The following WDR88 variants were observed in gnomAD, a reference collection of about 807,000 sequenced individuals.
WDR88 encodes WD repeat domain 88.
In WDR88, 40 loss-of-function variants were observed where a neutral mutation model predicts 46.8. That is an observed-to-expected ratio of 0.86 (90% CI 0.66 to 1.11). The LOEUF is 1.11. WDR88 is among the 50% of genes most tolerant of loss of function. WDR88 has a pLI of 0.00. For synonymous variants in WDR88, 235 were observed against 240.7 expected (o/e 0.98, Z 0.22); for missense variants, 562 against 602.4 (o/e 0.93, Z 0.70).
chr19:33,158,437 AAAAG>A (rs1305371719), intron 7 of WDR88, among the ~76,000 whole-genome samples: 2 of 152,112 alleles, frequency 1.3e-5, no homozygotes, highest in African/African-American at 4.8e-5. Context: ...AAAAAAGAAA[AAAAG>A]AAAGAAAAAA....
chr19:33,156,965 G>A (rs1380550184), intron 7 of WDR88, among the ~76,000 whole-genome samples: 3 of 152,140 alleles, frequency 2.0e-5, no homozygotes, highest in Non-Finnish European at 4.4e-5. Flanking sequence ...GGAGGCCAAG[G>A]TGGGAGGACT....
At chr19:33,156,071 A>T (rs1973728570) in intron 6 of WDR88, among the ~76,000 whole-genome samples, 1 of 152,170 alleles carries the variant, frequency 6.6e-6, no homozygotes, top group Non-Finnish European at 1.5e-5. Context: ...CTCTATTATT[A>T]TTTTTCTAAA....
intron 5 of WDR88, 143 bp downstream of exon 5, chr19:33,149,053 G>T: frequency 7.4e-7 from 1 of 1,350,478 alleles, no homozygotes; most frequent in Non-Finnish European, 1.0e-6. Context: ...ACTAGGCTAG[G>T]TGCGGTGGCT....
chr19:33,163,319 C>T (rs984256041), intron 8 of WDR88, among the ~76,000 whole-genome samples: 4 of 146,150 alleles, frequency 2.7e-5, no homozygotes, highest in African/African-American at 7.8e-5. Context: ...GGTGACAGAG[C>T]GAGACTCCGT....
intron 6 of WDR88, among the ~76,000 whole-genome samples, chr19:33,155,581 T>G (rs910156164): frequency 6.6e-6 from 1 of 150,930 alleles, no homozygotes; most frequent in African/African-American, 2.4e-5. Context: ...AAGAGAGGGG[T>G]GGAACAGGGG....
intron 2 of WDR88, among the ~76,000 whole-genome samples, chr19:33,143,017 A>G (rs1973432630): frequency 6.6e-6 from 1 of 151,668 alleles, no homozygotes; most frequent in Non-Finnish European, 1.5e-5. Context: ...GTCACCCCAG[A>G]GGATTAAGAA....
chr19:33,153,798 G>C (rs1973682454), intron 6 of WDR88, among the ~76,000 whole-genome samples: 1 of 152,060 alleles, frequency 6.6e-6, no homozygotes. Context: ...TGGCCACACT[G>C]TGGTTTTCAT....
chr19:33,151,040 G>A (rs1376671401), intron 5 of WDR88, 141 bp from the exon 6 acceptor site: 1 of 989,282 alleles, frequency 1.0e-6, no homozygotes, highest in East Asian at 2.7e-5. Context: ...AGTCACTCAG[G>A]AATGTTTGTG....
chr19:33,160,546 C>T (rs774669745), intron 8 of WDR88, 50 bp downstream of exon 8: 1 of 1,592,162 alleles, frequency 6.3e-7, no homozygotes, highest in Non-Finnish European at 8.6e-7. Context: ...CTCCCGAGTC[C>T]TTCCTGTGCT....
intron 8 of WDR88, 108 bp from the exon 9 acceptor site, chr19:33,164,089 C>A: frequency 9.8e-7 from 1 of 1,024,544 alleles, no homozygotes; most frequent in Non-Finnish European, 1.5e-6. Context: ...CCCGACTCGG[C>A]TTCCCAAAAG....
chr19:33,137,708 A>G lies in WDR88; in HGVS notation c.308A>G (p.His103Arg). The change falls in exon 2 of 11, where the codon CAC (histidine) becomes CGC (arginine). Residue 103 changes from histidine to arginine, a missense_variant. Physicochemically the swap from His to Arg is conservative, Grantham distance 29 (BLOSUM62 0). Coordinates refer to ENST00000355868, the MANE Select transcript of WDR88 (RefSeq NM_173479.4). ...IPFKILSGHE[H>R]AVSTCHFCVD... ...TTTAAAATTCTGAGTGGGCACGAGC[A>G]CGCTGTGAGCACCTGCCACTTCTGT... 1 of 1,614,034 alleles carries G rather than the reference A, an allele frequency of 6.2e-7. No individual in the cohort carries two copies. Among genetic ancestry groups the G allele is most frequent in the Non-Finnish European group, 8.5e-7 (1 of 1,180,022 alleles).
In WDR88 at chr19:33,132,384, T is replaced by C; in HGVS notation, c.215T>C (p.Leu72Ser). 1 of 1,614,044 alleles carries C rather than the reference T, an allele frequency of 6.2e-7. No homozygotes were observed. The highest frequency in any genetic ancestry group is 1.1e-5 in the South Asian group (1 of 91,084). ...ALDREPPPHLLPEKHQVPEKL... is the reference protein window; with the variant it reads ...ALDREPPPHLSPEKHQVPEKL... Reference sequence around the variant, plus strand: ...GACAGGGAACCACCACCGCATCTGTTGCCTGAGAAGCACCAGGTGCCGGAG... The same window carrying C: ...GACAGGGAACCACCACCGCATCTGTCGCCTGAGAAGCACCAGGTGCCGGAG... Residue 72 changes from leucine to serine, a missense_variant, in exon 1 of 11, where the codon TTG (leucine) becomes TCG (serine). Leu to Ser is a moderately radical substitution (Grantham distance 145). Transcript: ENST00000355868.
Position 33,175,661 on chromosome 19 carries a change from C to A in WDR88, c.*89C>A. On this transcript the variant is annotated 3_prime_UTR_variant, in exon 11 of 11. Coordinates refer to ENST00000355868, the MANE Select transcript of WDR88 (RefSeq NM_173479.4). ...GCAGGGGCTTTCTCTTGGGCCCCTCCCAGGCTCAGCAGGCCTGTCAGACTG... is the reference window on the plus strand; with the variant it reads ...GCAGGGGCTTTCTCTTGGGCCCCTCACAGGCTCAGCAGGCCTGTCAGACTG... The A allele has an allele frequency of 6.6e-7, 1 of 1,517,694 alleles. No homozygotes were observed. Among genetic ancestry groups the A allele is most frequent in the Non-Finnish European group, 9.0e-7 (1 of 1,114,020 alleles). 94.0% of individuals were successfully genotyped at this position (1,517,694 alleles called of 1,614,324 possible). A position where few individuals can be genotyped will look rare whatever the true frequency, so the allele number is the denominator to read the frequency against.
chr19:33,159,443 A>T (rs1006460684), intron 7 of WDR88, among the ~76,000 whole-genome samples: 1 of 152,180 alleles, frequency 6.6e-6, no homozygotes, highest in African/African-American at 2.4e-5. Flanking sequence ...CCTAAGCGCG[A>T]GAGTGCTATG....
intron 6 of WDR88, among the ~76,000 whole-genome samples, chr19:33,152,234 A>AATATATATATATATATAT (rs58282641): frequency 1.2e-4 from 18 of 147,492 alleles, no homozygotes; most frequent in African/African-American, 3.7e-4. Context: ...TCTGTCTCAA[A>AATATATATATATATATAT]ATATATATAT....
At chr19:33,170,861 TAAAAAAAGAG>T (rs1210369372) in intron 9 of WDR88, among the ~76,000 whole-genome samples, 1 of 151,668 alleles carries the variant, frequency 6.6e-6, no homozygotes, top group Non-Finnish European at 1.5e-5. Flanking sequence ...GACCCTGTCT[TAAAAAAAGAG>T]AAAAAAAGAA....
At chr19:33,158,908 C>T (rs930600951) in intron 7 of WDR88, among the ~76,000 whole-genome samples, 1 of 150,960 alleles carries the variant, frequency 6.6e-6, no homozygotes, top group African/African-American at 2.5e-5. Context: ...CCATGTTGTC[C>T]AGGCTGGTCT....
intron 6 of WDR88, among the ~76,000 whole-genome samples, chr19:33,152,678 T>C (rs1411074757): frequency 6.6e-6 from 1 of 152,108 alleles, no homozygotes; most frequent in Non-Finnish European, 1.5e-5. Context: ...CTTGGCTCAC[T>C]GCAACCTCTG....
At chr19:33,171,143 G>T (rs1045711157) in intron 9 of WDR88, among the ~76,000 whole-genome samples, 7 of 152,056 alleles carry the variant, frequency 4.6e-5, no homozygotes, top group Non-Finnish European at 1.0e-4. Flanking sequence ...GCAGCACCAG[G>T]CCTGGCTAAT....
Sources: allele counts gnomAD v4.1 joint callset (sites outside exome capture counted in the v4.1 genomes callset), GRCh38; gene constraint gnomAD v4.1.1; transcripts MANE v1.5; gene names NCBI Gene and HGNC (gene_info 2026-07-23, HGNC 2026-07-21).